The following AMPH variants were observed in gnomAD, a reference collection of about 807,000 sequenced individuals.
The protein encoded by AMPH is amphiphysin.
AMPH carries 49 observed loss-of-function variants against 99.1 expected under a neutral mutation model. The ratio of observed to expected loss-of-function variants is 0.49; its 90% CI spans 0.39 to 0.63. The LOEUF (loss-of-function observed/expected upper bound fraction) is 0.63, where lower values mean the gene tolerates loss of function less well. Among genes scored for constraint, AMPH ranks in the 20% least tolerant of loss-of-function variants. The pLI is 0.00. For missense variants in AMPH, 759 were observed against 863.4 expected, an observed-to-expected ratio of 0.88 and a Z score of 1.52; for synonymous variants, 314 against 317.3, an observed-to-expected ratio of 0.99 and a Z score of 0.11.
rs970654914 is a variant in AMPH, at chr7:38,505,013, T to C, written c.151-1309A>G. On this transcript the variant is annotated intron_variant, in intron 2 of 20. Transcript: ENST00000356264. Reference sequence around the variant, plus strand: ...CATTGTTAGTATTTGCCCAAAAGAGTGGTGGTGGGGGGACCCTCTTTCCTC... The same window carrying C: ...CATTGTTAGTATTTGCCCAAAAGAGCGGTGGTGGGGGGACCCTCTTTCCTC... 3.3e-5 allele frequency among the ~76,000 whole-genome samples: 5 copies of C among 151,556 alleles called. No individual in the cohort carries two copies. The East Asian group carries it at 9.7e-4, about 29-fold the overall frequency.
chr7:38,457,744 T>C (rs1324238920), intron 11 of AMPH, among the ~76,000 whole-genome samples: 1 of 152,182 alleles, frequency 6.6e-6, no homozygotes, highest in East Asian at 1.9e-4. Context: ...GTCTTCTCAA[T>C]GCTATATTAC....
At chr7:38,594,924 G>T (rs1319925028) in intron 1 of AMPH, among the ~76,000 whole-genome samples, 1 of 152,066 alleles carries the variant, frequency 6.6e-6, no homozygotes, top group African/African-American at 2.4e-5. Context: ...AGATTAGATG[G>T]AAGTAAAAAA....
chr7:38,536,599 T>C (rs1790611145), intron 1 of AMPH, among the ~76,000 whole-genome samples: 1 of 152,222 alleles, frequency 6.6e-6, no homozygotes. Context: ...TAAATAAAAT[T>C]GTAAACAGAT....
rs538366053 is a variant in AMPH, at chr7:38,455,026, C to A, written c.1017+6257G>T. Among the ~76,000 whole-genome samples, 90 of 151,528 alleles carry A rather than the reference C, an allele frequency of 5.9e-4. 1 individual carries two copies. The highest frequency in any genetic ancestry group is 5.0e-3 in the Admixed American group (76 of 15,220). ...TTGGGAAGACTAAAAGAAGACAGAC[C>A]AAAGGGCACTAGTGGTCATGTCAGA... On this transcript the variant is annotated intron_variant, in intron 11 of 20. Coordinates refer to ENST00000356264, the MANE Select transcript of AMPH (RefSeq NM_001635.4).
chr7:38,428,934 T>C (rs927205319), intron 14 of AMPH: 5 of 1,104,084 alleles, frequency 4.5e-6, no homozygotes, highest in Admixed American at 2.3e-5. Context: ...TAAGGTCTTA[T>C]GGTCTTCCTT....
At position 38,577,796 on chromosome 7, in the gene AMPH, GA is replaced by G. The variant is rs141276562; in HGVS notation, c.70-42786del. On this transcript the variant is annotated intron_variant, in intron 1 of 20. Transcript: ENST00000356264. ...AGAGAAAGAGAAGGAGGAAGGGAGG[GA>G]AAAAGAGAAAGAAGACAGGAAGAAA... Among the ~76,000 whole-genome samples, 1,505 of 150,836 alleles carry G rather than the reference GA, an allele frequency of 1.0e-2. 31 individuals are homozygous for G. The highest frequency in any genetic ancestry group is 0.082 in the East Asian group (418 of 5,110).
chr7:38,602,324 C>T (rs1489782600), intron 1 of AMPH, among the ~76,000 whole-genome samples: 2 of 152,202 alleles, frequency 1.3e-5, no homozygotes, highest in African/African-American at 4.8e-5. Context: ...ACAACTACCA[C>T]AAACTTTGTG....
chr7:38,521,478 G>A (rs1228271533), intron 2 of AMPH, among the ~76,000 whole-genome samples: 1 of 152,060 alleles, frequency 6.6e-6, no homozygotes, highest in South Asian at 2.1e-4. Context: ...CAGAGATAGC[G>A]CCACTTCACT....
chr7:38,472,958 A>G (rs1562777855), intron 7 of AMPH, among the ~76,000 whole-genome samples: 1 of 152,214 alleles, frequency 6.6e-6, no homozygotes, highest in Non-Finnish European at 1.5e-5. Context: ...AAGGGCACAA[A>G]AGACTGAAAT....
intron 1 of AMPH, among the ~76,000 whole-genome samples, chr7:38,624,527 C>A: frequency 6.7e-6 from 1 of 149,464 alleles, no homozygotes; most frequent in East Asian, 2.0e-4. Context: ...CCCGAGTATC[C>A]TGCTCACTAC....
At chr7:38,460,847 G>A (rs571634942) in intron 11 of AMPH, among the ~76,000 whole-genome samples, 1 of 152,284 alleles carries the variant, frequency 6.6e-6, no homozygotes, top group African/African-American at 2.4e-5. Flanking sequence ...AAAGTAGCTA[G>A]AAGAGACGAC....
At chr7:38,485,948 G>GA (rs1380675174) in intron 5 of AMPH, among the ~76,000 whole-genome samples, 1 of 151,756 alleles carries the variant, frequency 6.6e-6, no homozygotes, top group African/African-American at 2.4e-5. Flanking sequence ...ACAAGTAGCA[G>GA]AAAAAGCTGT....
At chr7:38,612,244 T>C (rs1359202041) in intron 1 of AMPH, among the ~76,000 whole-genome samples, 1 of 152,118 alleles carries the variant, frequency 6.6e-6, no homozygotes, top group Non-Finnish European at 1.5e-5. Context: ...ACCCGGCTAA[T>C]TCTGTATTTT....
At chr7:38,386,686 A>T (rs1784357459) in intron 20 of AMPH, among the ~76,000 whole-genome samples, 1 of 152,246 alleles carries the variant, frequency 6.6e-6, no homozygotes, top group African/African-American at 2.4e-5. Flanking sequence ...GCAACTATTT[A>T]TATAAACAAA....
In AMPH at chr7:38,631,364, G is replaced by T. The variant is rs1434204366; in HGVS notation, c.-13C>A. On this transcript the variant is annotated 5_prime_UTR_variant, in exon 1 of 21. Transcript: ENST00000356264. ...TGATGTCGGCCATGGCTGCGGGTCC[G>T]GGGAGCTGCGAAGAGCAGAGCGCGC... 2 of 1,541,614 alleles carry T rather than the reference G, an allele frequency of 1.3e-6. No individual in the cohort carries two copies. The highest frequency in any genetic ancestry group is 1.7e-6 in the Non-Finnish European group (2 of 1,145,124).
Position 38,598,251 on chromosome 7 carries a change from T to G in AMPH, c.69+33032A>C, listed in dbSNP as rs142866831. Among the ~76,000 whole-genome samples the G allele has an allele frequency of 3.9e-5, 6 of 152,254 alleles. No homozygotes were observed. The East Asian group carries it at 1.2e-3, about 29-fold the overall frequency. ...GTCATTACTTGTGTTCGCAATGTTTTTTGTTGTTGTTGTTGTTCTTTTGTT... is the reference window on the plus strand; with the variant it reads ...GTCATTACTTGTGTTCGCAATGTTTGTTGTTGTTGTTGTTGTTCTTTTGTT... On this transcript the variant is annotated intron_variant, in intron 1 of 20. Transcript: ENST00000356264.
At chr7:38,415,228 G>A (rs958649740) in intron 17 of AMPH, among the ~76,000 whole-genome samples, 2 of 152,082 alleles carry the variant, frequency 1.3e-5, no homozygotes, top group East Asian at 3.8e-4. Context: ...AATTATACGT[G>A]CCTCTTTACA....
At chr7:38,489,408 G>GC (rs928504764) in intron 5 of AMPH, among the ~76,000 whole-genome samples, 17 of 151,398 alleles carry the variant, frequency 1.1e-4, no homozygotes, top group African/African-American at 4.1e-4. Flanking sequence ...AAAAGTTGAG[G>GC]GGGGGGGAAG....
intron 1 of AMPH, among the ~76,000 whole-genome samples, chr7:38,564,603 G>A (rs1730480093): frequency 6.6e-6 from 1 of 152,162 alleles, no homozygotes; most frequent in Admixed American, 6.5e-5. Context: ...GACCCTCAAA[G>A]ATGCTGGGAT....
Sources: gnomAD v4.1 joint callset for allele counts (sites outside exome capture counted in the v4.1 genomes callset) on GRCh38, gnomAD v4.1.1 for gene constraint, MANE v1.5 for transcripts, NCBI Gene and HGNC (gene_info 2026-07-23, HGNC 2026-07-21) for gene names.